Variants in BABAM2 observed in about 807,000 individuals in gnomAD.
The protein encoded by BABAM2 is BRISC and BRCA1-A complex member 2.
A neutral mutation model predicts 54.7 loss-of-function variants in BABAM2; 31 were observed. The observed-to-expected ratio is 0.57, with a 90% CI of 0.43 to 0.77. The LOEUF is 0.77. BABAM2 is among the 30% of genes least tolerant of loss of function. BABAM2 has a pLI of 0.00. For missense variants in BABAM2, 364 were observed against 455.8 expected (o/e 0.80, Z 1.83); for synonymous variants, 167 against 162.9 (o/e 1.03, Z -0.19).
intron 6 of BABAM2, among the ~76,000 whole-genome samples, chr2:28,112,701 A>G (rs1366417239): frequency 6.6e-6 from 1 of 152,222 alleles, no homozygotes; most frequent in African/African-American, 2.4e-5. Context: ...AAAATGATTT[A>G]TAATCCTTTG....
At chr2:28,327,333 T>G (rs746409076) in intron 11 of BABAM2, 1 of 1,613,842 alleles carries the variant, frequency 6.2e-7, no homozygotes, top group Non-Finnish European at 8.5e-7. Flanking sequence ...GCCTTTGCAG[T>G]TGCAAAAACT....
At chr2:28,024,052 G>C (rs146265114) in intron 4 of BABAM2, among the ~76,000 whole-genome samples, 2 of 152,084 alleles carry the variant, frequency 1.3e-5, no homozygotes, top group Non-Finnish European at 1.5e-5. Flanking sequence ...CTATACTCAT[G>C]GTTATTTTAT....
In BABAM2 at chr2:28,316,445, T is replaced by G. The variant is rs1273573063; in HGVS notation, c.1088+17954T>G. Among the ~76,000 whole-genome samples, 605 of 96,918 alleles carry G rather than the reference T, an allele frequency of 6.2e-3. 1 individual carries two copies. Among genetic ancestry groups the G allele is most frequent in the African/African-American group, 0.015 (379 of 25,002 alleles). The allele number at this position is 96,918 out of a possible 152,430, so 63.6% of individuals were successfully genotyped here. On this transcript the variant is annotated intron_variant, in intron 11 of 11. Transcript: ENST00000379624. ...GTGGGGGTGGGGGTGGGGGTGGGAG[T>G]CGGGGGTGAAGCAAGGAAGAATGTC...
At chr2:28,191,488 C>G (rs528557708) in intron 7 of BABAM2, among the ~76,000 whole-genome samples, 2 of 152,164 alleles carry the variant, frequency 1.3e-5, no homozygotes, top group East Asian at 3.9e-4. Flanking sequence ...TGGAAACAAC[C>G]CAAATGTCCA....
intron 7 of BABAM2, among the ~76,000 whole-genome samples, chr2:28,164,366 C>T (rs1452160193): frequency 6.6e-6 from 1 of 152,122 alleles, no homozygotes; most frequent in Non-Finnish European, 1.5e-5. Flanking sequence ...GTCTCTCTTT[C>T]TGGGCCACTC....
intron 3 of BABAM2, among the ~76,000 whole-genome samples, chr2:27,971,275 G>A (rs1212362705): frequency 7.9e-5 from 12 of 151,992 alleles, no homozygotes; most frequent in Non-Finnish European, 1.6e-4. Context: ...TTAACATAAT[G>A]TATATGTTTA....
chr2:28,258,615 C>CTTTTCTTTTTTTTTT (rs752905871), intron 10 of BABAM2, among the ~76,000 whole-genome samples: 3 of 100,042 alleles, frequency 3.0e-5, no homozygotes, highest in Admixed American at 1.3e-4. Context: ...TTTTTCTTTT[C>CTTTTCTTTTTTTTTT]TTTTTTTTTT....
intron 7 of BABAM2, among the ~76,000 whole-genome samples, chr2:28,193,035 G>A (rs186628104): frequency 7.9e-5 from 12 of 151,954 alleles, no homozygotes; most frequent in South Asian, 2.1e-4. Flanking sequence ...GTAGCTGGGC[G>A]TGGTGGTGCG....
chr2:28,126,300 C>A (rs1411291985), intron 6 of BABAM2, among the ~76,000 whole-genome samples: 2 of 117,776 alleles, frequency 1.7e-5, no homozygotes, highest in Non-Finnish European at 3.4e-5. Context: ...CCCCTCCCCC[C>A]ACCCCACAAC....
intron 3 of BABAM2, among the ~76,000 whole-genome samples, chr2:27,941,255 G>A (rs895982535): frequency 2.6e-5 from 4 of 152,144 alleles, no homozygotes; most frequent in Admixed American, 2.6e-4. Context: ...TGAAAATGTA[G>A]ACATTTTTTT....
At chr2:27,963,469 C>CAAAAAAAAA (rs760525051) in intron 3 of BABAM2, among the ~76,000 whole-genome samples, 5 of 54,392 alleles carry the variant, frequency 9.2e-5, no homozygotes, top group African/African-American at 1.3e-4. Flanking sequence ...GACTCTTTCT[C>CAAAAAAAAA]AAAAAAAAAA....
intron 10 of BABAM2, among the ~76,000 whole-genome samples, chr2:28,247,076 A>G: frequency 6.6e-6 from 1 of 152,192 alleles, no homozygotes. Flanking sequence ...TACCTTCTTC[A>G]GAAACATAGA....
At chr2:28,189,813 C>T (rs867950672) in intron 7 of BABAM2, among the ~76,000 whole-genome samples, 43 of 151,282 alleles carry the variant, frequency 2.8e-4, no homozygotes, top group African/African-American at 9.2e-4. Flanking sequence ...TGCCAAGGAC[C>T]GAGAATAGCC....
intron 7 of BABAM2, among the ~76,000 whole-genome samples, chr2:28,147,807 T>C (rs1377178929): frequency 6.6e-6 from 1 of 152,170 alleles, no homozygotes; most frequent in Non-Finnish European, 1.5e-5. Flanking sequence ...ATAGGACACA[T>C]GTCTCAACGT....
intron 3 of BABAM2, among the ~76,000 whole-genome samples, chr2:27,964,091 G>A (rs1488225228): frequency 6.6e-6 from 1 of 152,216 alleles, no homozygotes; most frequent in Non-Finnish European, 1.5e-5. Flanking sequence ...ATTAGTGTAT[G>A]TCTCTTGATA....
chr2:27,944,227 G>C (rs1573228996), intron 3 of BABAM2, among the ~76,000 whole-genome samples: 1 of 152,070 alleles, frequency 6.6e-6, no homozygotes, highest in East Asian at 1.9e-4. Context: ...CAATTTTATT[G>C]AGGTAGTGTA....
At chr2:28,284,362 A>G (rs1364057821) in intron 10 of BABAM2, among the ~76,000 whole-genome samples, 1 of 152,100 alleles carries the variant, frequency 6.6e-6, no homozygotes, top group African/African-American at 2.4e-5. Context: ...AGGTAATCCT[A>G]AATATACAAA....
At chr2:28,286,860 G>C (rs1686864769) in intron 10 of BABAM2, among the ~76,000 whole-genome samples, 1 of 152,140 alleles carries the variant, frequency 6.6e-6, no homozygotes, top group African/African-American at 2.4e-5. Context: ...GCCGGCCATG[G>C]TATGTGCTCA....
At chr2:28,068,672 C>T (rs1164053396) in intron 6 of BABAM2, among the ~76,000 whole-genome samples, 1 of 152,006 alleles carries the variant, frequency 6.6e-6, no homozygotes, top group East Asian at 1.9e-4. Flanking sequence ...GGAAAATCAT[C>T]AACTGTGCAG....
Sources: gnomAD v4.1 joint callset for allele counts (sites outside exome capture counted in the v4.1 genomes callset) on GRCh38, gnomAD v4.1.1 for gene constraint, MANE v1.5 for transcripts, NCBI Gene and HGNC (gene_info 2026-07-23, HGNC 2026-07-21) for gene names.